SIPA1L1: variants seen among roughly 807,000 people sequenced by gnomAD.
SIPA1L1 encodes signal-induced proliferation-associated 1-like protein 1.
Under a neutral mutation model 162.7 loss-of-function variants are expected in SIPA1L1, and 26 were observed. The ratio of observed to expected loss-of-function variants is 0.16; its 90% CI spans 0.12 to 0.22. The LOEUF (loss-of-function observed/expected upper bound fraction) is 0.22, where lower values mean the gene tolerates loss of function less well. Among genes scored for constraint, SIPA1L1 ranks in the 10% least tolerant of loss-of-function variants. SIPA1L1 has a pLI of 1.00. For synonymous variants in SIPA1L1, 829 were observed against 837.4 expected (o/e 0.99, Z 0.17); for missense variants, 1,874 against 2,241.0 (o/e 0.84, Z 3.31).
At chr14:71,689,071 G>T (rs895649710) in intron 13 of SIPA1L1, among the ~76,000 whole-genome samples, 2 of 151,982 alleles carry the variant, frequency 1.3e-5, no homozygotes, top group Non-Finnish European at 2.9e-5. Context: ...TCTTTAATTT[G>T]TATGTAGTAT....
At chr14:71,721,067 C>A (rs565877309) in intron 17 of SIPA1L1, among the ~76,000 whole-genome samples, 48 of 152,258 alleles carry the variant, frequency 3.2e-4, no homozygotes, top group African/African-American at 1.1e-3. Context: ...GCAGCCTGGG[C>A]TTGTTTGTAC....
intron 2 of SIPA1L1, among the ~76,000 whole-genome samples, chr14:71,399,809 C>T (rs1566974354): frequency 6.6e-6 from 1 of 151,966 alleles, no homozygotes; most frequent in Non-Finnish European, 1.5e-5. Flanking sequence ...GCAACCCCAC[C>T]TCTCGGGTTC....
intron 2 of SIPA1L1, among the ~76,000 whole-genome samples, chr14:71,434,266 A>C (rs1277271942): frequency 6.6e-6 from 1 of 152,210 alleles, no homozygotes; most frequent in East Asian, 1.9e-4. Context: ...CTGTATGTTT[A>C]GGTGCAGTAA....
intron 2 of SIPA1L1, among the ~76,000 whole-genome samples, chr14:71,412,327 A>G (rs1481183115): frequency 1.3e-5 from 2 of 152,224 alleles, no homozygotes; most frequent in African/African-American, 4.8e-5. Context: ...AAAGCTCATC[A>G]GCTATCGTTA....
chr14:71,685,543 G>T lies in SIPA1L1; in HGVS notation c.3286G>T (p.Gly1096Ter). 2 of 1,614,224 alleles carry T rather than the reference G, an allele frequency of 1.2e-6. No homozygotes were observed. Among genetic ancestry groups the T allele is most frequent in the Non-Finnish European group, 1.7e-6 (2 of 1,180,048 alleles). ...TCCCATGACCTCGCGGCTGAATGCT[G>T]GAAAAGGAGATGGGAAGATGCCTCC... Reference protein sequence around the residue: ...QSPMTSRLNAGKGDGKMPPPE... With the variant: ...QSPMTSRLNA The change falls in exon 13 of 24, where the codon GGA becomes TGA. Residue 1096 changes from glycine (G) to a stop codon, truncating the protein, a stop_gained. Transcript: ENST00000381232. LOFTEE classifies it high-confidence loss of function.
intron 3 of SIPA1L1, among the ~76,000 whole-genome samples, chr14:71,521,954 G>A (rs1312309341): frequency 2.6e-5 from 4 of 152,072 alleles, no homozygotes; most frequent in Non-Finnish European, 4.4e-5. Context: ...GTGTGGTATC[G>A]CCATTCATCT....
chr14:71,567,991 G>A (rs910708249), intron 4 of SIPA1L1, among the ~76,000 whole-genome samples: 6 of 152,190 alleles, frequency 3.9e-5, no homozygotes, highest in South Asian at 2.1e-4. Flanking sequence ...TATAATTAGC[G>A]TATAACGAGC....
At chr14:71,474,942 A>G (rs1175518715) in intron 2 of SIPA1L1, among the ~76,000 whole-genome samples, 4 of 152,152 alleles carry the variant, frequency 2.6e-5, no homozygotes, top group African/African-American at 9.7e-5. Flanking sequence ...GTGTGTGTGC[A>G]TGTGTGAAAT....
intron 14 of SIPA1L1, among the ~76,000 whole-genome samples, chr14:71,701,978 G>A (rs2286136): frequency 0.7 from 106,648 of 152,182 alleles, 39,414 homozygotes; most frequent in East Asian, 0.95. Context: ...AACCTCCACA[G>A]TATACCATTT....
Position 71,370,981 on chromosome 14 carries a change from T to C in SIPA1L1, c.-465+49800T>C, listed in dbSNP as rs578238336. ...AGTGATATACATTAATACTATAATA[T>C]AAAGGCAAATACTAAATGAATTTAA... On this transcript the variant is annotated intron_variant, in intron 2 of 23. Transcript: ENST00000381232. 2.4e-4 allele frequency among the ~76,000 whole-genome samples: 36 copies of C among 152,270 alleles called. No individual in the cohort carries two copies. In the South Asian group the frequency reaches 2.7e-3, roughly 11 times the overall value.
intron 2 of SIPA1L1, among the ~76,000 whole-genome samples, chr14:71,427,278 T>C (rs906753338): frequency 1.3e-5 from 2 of 152,194 alleles, no homozygotes; most frequent in Non-Finnish European, 2.9e-5. Context: ...GCACCCACTT[T>C]TGAAGGACAG....
At chr14:71,603,303 G>A (rs867625453) in intron 5 of SIPA1L1, among the ~76,000 whole-genome samples, 30 of 151,568 alleles carry the variant, frequency 2.0e-4, no homozygotes, top group African/African-American at 6.3e-4. Flanking sequence ...CAAATCAGCC[G>A]ATCTATATCT....
At chr14:71,350,458 G>A (rs2036590261) in intron 2 of SIPA1L1, among the ~76,000 whole-genome samples, 2 of 152,092 alleles carry the variant, frequency 1.3e-5, no homozygotes, top group African/African-American at 2.4e-5. Flanking sequence ...GGCCTTACCC[G>A]ATTGGCCACT....
chr14:71,531,028 G>T (rs2053393544), intron 4 of SIPA1L1, among the ~76,000 whole-genome samples: 2 of 152,196 alleles, frequency 1.3e-5, no homozygotes, highest in South Asian at 4.1e-4. Flanking sequence ...CCAACATGCT[G>T]ATAGCTTTCT....
intron 4 of SIPA1L1, among the ~76,000 whole-genome samples, chr14:71,550,561 A>G (rs1038747690): frequency 6.6e-6 from 1 of 151,994 alleles, no homozygotes; most frequent in African/African-American, 2.4e-5. Context: ...GATGTCTTTC[A>G]GTATATTATC....
intron 15 of SIPA1L1, chr14:71,704,718 C>G: frequency 6.2e-7 from 1 of 1,610,616 alleles, no homozygotes; most frequent in Non-Finnish European, 8.5e-7. Context: ...CTGTTGTGCT[C>G]AGCTTACAGT....
chr14:71,531,710 A>G (rs544397904), intron 4 of SIPA1L1, among the ~76,000 whole-genome samples: 1 of 152,226 alleles, frequency 6.6e-6, no homozygotes, highest in African/African-American at 2.4e-5. Flanking sequence ...GAATACAGGC[A>G]TGATGAACCA....
intron 8 of SIPA1L1, among the ~76,000 whole-genome samples, chr14:71,654,226 T>TA (rs1395066988): frequency 6.6e-6 from 1 of 152,192 alleles, no homozygotes; most frequent in Non-Finnish European, 1.5e-5. Context: ...TACAAATAAA[T>TA]ATGTCACAGG....
chr14:71,455,785 C>T (rs768516634), intron 2 of SIPA1L1, among the ~76,000 whole-genome samples: 1 of 152,128 alleles, frequency 6.6e-6, no homozygotes, highest in Non-Finnish European at 1.5e-5. Context: ...CATATGTTTG[C>T]TTTCAATGCC....
Sources: allele counts gnomAD v4.1 joint callset (sites outside exome capture counted in the v4.1 genomes callset), GRCh38; gene constraint gnomAD v4.1.1; transcripts MANE v1.5; gene names NCBI Gene and HGNC (gene_info 2026-07-23, HGNC 2026-07-21).